ZNF529: variants seen among roughly 807,000 people sequenced by gnomAD.
ZNF529 encodes zinc finger protein 529.
ZNF529 carries 11 observed loss-of-function variants against 10.1 expected under a neutral mutation model. That is an observed-to-expected ratio of 1.09 (90% CI 0.69 to 1.81). ZNF529 has a LOEUF of 1.81. Ranked by LOEUF, ZNF529 falls within the 40% of genes most tolerant of loss-of-function variation. The pLI is 0.00. For synonymous variants in ZNF529, 204 were observed against 215.7 expected (o/e 0.95, Z 0.47); for missense variants, 624 against 666.8 (o/e 0.94, Z 0.71).
At position 36,547,333 on chromosome 19, in the gene ZNF529, G is replaced by C. The variant is rs375201358; in HGVS notation, c.1225C>G (p.Leu409Val). The C allele has an allele frequency of 1.2e-6, 2 of 1,613,536 alleles. No individual in the cohort carries two copies. Among genetic ancestry groups the C allele is most frequent in the Admixed American group, 1.7e-5 (1 of 59,972 alleles). Reference sequence around the variant, plus strand: ...GTATGAATCCTCTGATGTCTAGTCAGGGATGAACTATTTCTAAAGACCTTT... The same window carrying C: ...GTATGAATCCTCTGATGTCTAGTCACGGATGAACTATTTCTAAAGACCTTT... Reference protein sequence around the residue: ...CGKVFRNSSSLTRHQRIHTGE... With the variant: ...CGKVFRNSSSVTRHQRIHTGE... Residue 409 changes from leucine to valine, a missense_variant, in exon 5 of 5, where the codon CTG (leucine) becomes GTG (valine). Leu to Val is a conservative substitution (Grantham distance 32). Coordinates refer to ENST00000591340, the MANE Select transcript of ZNF529 (RefSeq NM_020951.5).
chr19:36,600,001 T>A (rs528383471), intron 1 of ZNF529, among the ~76,000 whole-genome samples: 2 of 152,232 alleles, frequency 1.3e-5, no homozygotes, highest in Admixed American at 6.5e-5. Flanking sequence ...CCCGAGTAGC[T>A]GGGATTACAG....
chr19:36,546,973 T>C lies in ZNF529; in HGVS notation c.1585A>G (p.Thr529Ala). ...TTACATTCATAGGGTTTATCATCAG[T>C]ATGAATGCGCTGATGTTTGGTAAAG... ...SSFTKHQRIH[T>A]DDKPYECKEC... The change falls in exon 5 of 5, where the codon ACT (threonine) becomes GCT (alanine). Residue 529 changes from threonine to alanine, a missense_variant. Thr to Ala is a moderately conservative substitution (Grantham distance 58). Transcript: ENST00000591340. 1 of 1,614,020 alleles carries C rather than the reference T, an allele frequency of 6.2e-7. No individual in the cohort carries two copies. Among genetic ancestry groups the C allele is most frequent in the Non-Finnish European group, 8.5e-7 (1 of 1,179,900 alleles).
At chr19:36,549,824 A>G (rs1321148696) in intron 4 of ZNF529, among the ~76,000 whole-genome samples, 1 of 152,120 alleles carries the variant, frequency 6.6e-6, no homozygotes, top group Non-Finnish European at 1.5e-5. Context: ...CCATTTTCTT[A>G]TAGCAAAAGT....
chr19:36,548,880 G>A (rs2035155956), intron 4 of ZNF529, among the ~76,000 whole-genome samples: 1 of 152,170 alleles, frequency 6.6e-6, no homozygotes, highest in African/African-American at 2.4e-5. Context: ...GCATGCGCCT[G>A]TAGTCCCAGC....
At position 36,546,881 on chromosome 19, in the gene ZNF529, C is replaced by A. The variant is rs1406055471; in HGVS notation, c.1677G>T (p.Glu559Asp). 6 of 1,609,856 alleles carry A rather than the reference C, an allele frequency of 3.7e-6. No individual in the cohort carries two copies. The African/African-American group carries it at 8.0e-5, about 22-fold the overall frequency. ...LTCQPKIYTG[E>D]KSFD ...TACATTTATTTCAGTCAAATGATTT[C>A]TCACCAGTGTAAATTTTCGGTTGGC... Residue 559 changes from glutamate (E) to aspartate (D), a missense_variant, in exon 5 of 5, where the codon GAG (glutamate) becomes GAT (aspartate). Transcript: ENST00000591340.
chr19:36,567,885 G>A (rs979366140), intron 2 of ZNF529, among the ~76,000 whole-genome samples: 1 of 152,134 alleles, frequency 6.6e-6, no homozygotes, highest in Admixed American at 6.5e-5. Flanking sequence ...CAGCCTGCAC[G>A]ATGTGAAAAA....
chr19:36,589,018 A>C (rs891883861), intron 2 of ZNF529, among the ~76,000 whole-genome samples: 10 of 149,452 alleles, frequency 6.7e-5, no homozygotes, highest in Non-Finnish European at 1.3e-4. Context: ...ATCACTGCTC[A>C]CTGTAACCTT....
chr19:36,555,695 A>T (rs2035441751), intron 3 of ZNF529, among the ~76,000 whole-genome samples: 1 of 152,230 alleles, frequency 6.6e-6, no homozygotes, highest in Non-Finnish European at 1.5e-5. Context: ...AGGTTAGAGA[A>T]GGTCTTCTCC....
intron 2 of ZNF529, among the ~76,000 whole-genome samples, chr19:36,559,566 C>CTT (rs1337392242): frequency 1.6e-4 from 24 of 152,328 alleles, no homozygotes; most frequent in Non-Finnish European, 2.8e-4. Context: ...CTTGGCCTCC[C>CTT]GAAGTGCCGG....
intron 4 of ZNF529, among the ~76,000 whole-genome samples, chr19:36,550,268 C>T (rs1414295245): frequency 1.3e-5 from 2 of 152,200 alleles, no homozygotes; most frequent in African/African-American, 4.8e-5. Context: ...AGGCTGGGTG[C>T]AGTGGCTGTA....
chr19:36,600,359 T>TA (rs1248753547), intron 1 of ZNF529, among the ~76,000 whole-genome samples: 1 of 152,240 alleles, frequency 6.6e-6, no homozygotes, highest in African/African-American at 2.4e-5. Context: ...CCAGTTAATA[T>TA]AATCCTTGAA....
Position 36,544,005 on chromosome 19 carries a change from A to C in ZNF529, c.*2861T>G, listed in dbSNP as rs2034928403. On this transcript the variant is annotated 3_prime_UTR_variant, in exon 5 of 5. Transcript: ENST00000591340. ...AATTGAATTCCTTCAAGGACATATA[A>C]AATTTAATGGTGCAGGACAGCAGAA... The C allele has an allele frequency of 6.6e-6, 1 of 152,138 alleles. No homozygotes were observed. Among genetic ancestry groups the C allele is most frequent in the Non-Finnish European group, 1.5e-5 (1 of 68,026 alleles). The allele number at this position is 152,138 out of a possible 1,614,324, so 9.4% of individuals were successfully genotyped here.
upstream of ZNF529, chr19:36,578,059 A>ATTTTTTTTTT (rs755942233): frequency 2.2e-5 from 2 of 89,282 alleles, no homozygotes; most frequent in South Asian, 3.9e-4. Context: ...TGTGGGGGAG[A>ATTTTTTTTTT]TTTTTTTTTT....
chr19:36,552,105 G>A (rs1394540503), intron 4 of ZNF529: 2 of 152,096 alleles, frequency 1.3e-5, no homozygotes, highest in Non-Finnish European at 2.9e-5. Flanking sequence ...CAAGTGCCAG[G>A]CTTTTGTTTC....
intron 1 of ZNF529, chr19:36,594,855 C>T (rs892757435): frequency 6.6e-6 from 1 of 152,012 alleles, no homozygotes; most frequent in Non-Finnish European, 1.5e-5. Context: ...GCTTCTAGCT[C>T]AGCACTTCCT....
chr19:36,586,244 A>T (rs1490803811), intron 2 of ZNF529, among the ~76,000 whole-genome samples: 3 of 152,332 alleles, frequency 2.0e-5, no homozygotes, highest in Admixed American at 1.3e-4. Context: ...AGGAATCTTT[A>T]AAAAATATGG....
intron 2 of ZNF529, among the ~76,000 whole-genome samples, chr19:36,584,504 C>T (rs964827377): frequency 6.6e-6 from 1 of 152,156 alleles, no homozygotes; most frequent in Non-Finnish European, 1.5e-5. Context: ...CGGTAGTTCA[C>T]ACCTGTAATC....
intron 2 of ZNF529, among the ~76,000 whole-genome samples, chr19:36,561,838 G>T (rs2035709677): frequency 6.6e-6 from 1 of 152,232 alleles, no homozygotes; most frequent in Non-Finnish European, 1.5e-5. Context: ...AGTCAAAGAT[G>T]ATTATTCTCC....
At chr19:36,592,604 AAAAG>A (rs201905380) in intron 1 of ZNF529, among the ~76,000 whole-genome samples, 12,778 of 150,768 alleles carry the variant, frequency 0.085, 557 homozygotes, top group African/African-American at 0.12. Flanking sequence ...CAAAAAAAAA[AAAAG>A]AAAGAAAGAA....
Sources: gnomAD v4.1 joint callset for allele counts (sites outside exome capture counted in the v4.1 genomes callset) on GRCh38, gnomAD v4.1.1 for gene constraint, MANE v1.5 for transcripts, NCBI Gene and HGNC (gene_info 2026-07-23, HGNC 2026-07-21) for gene names.